SGCG: variants seen among roughly 807,000 people sequenced by gnomAD.
SGCG encodes the protein gamma-sarcoglycan.
SGCG carries 26 observed loss-of-function variants against 29.3 expected under a neutral mutation model. The ratio of observed to expected loss-of-function variants is 0.89; its 90% CI spans 0.65 to 1.23. The LOEUF is 1.23. Ranked by LOEUF, SGCG falls within the 50% of genes most tolerant of loss-of-function variation. The probability of loss-of-function intolerance (pLI) is 0.00; values close to 1 mark genes in which losing one functional copy is unlikely to be tolerated. For missense variants in SGCG, 353 were observed against 356.0 expected (o/e 0.99, Z 0.07); for synonymous variants, 145 against 129.7 (o/e 1.12, Z -0.80).
chr13:23,210,618 G>A (rs1878159777), intron 2 of SGCG, among the ~76,000 whole-genome samples: 1 of 152,130 alleles, frequency 6.6e-6, no homozygotes, highest in Non-Finnish European at 1.5e-5. Flanking sequence ...GTGAACCCGG[G>A]AGGCGGAGCT....
intron 1 of SGCG, among the ~76,000 whole-genome samples, chr13:23,183,865 A>G (rs1876851777): frequency 6.6e-6 from 1 of 151,752 alleles, no homozygotes; most frequent in Non-Finnish European, 1.5e-5. Context: ...ACGGAGTTTC[A>G]CCATGTTAGT....
chr13:23,245,476 T>C (rs1211051956), intron 3 of SGCG: 1 of 152,090 alleles, frequency 6.6e-6, no homozygotes, highest in African/African-American at 2.4e-5. Context: ...CAATCAAGCC[T>C]AGGAGAGTGT....
intron 5 of SGCG, among the ~76,000 whole-genome samples, chr13:23,292,050 C>A (rs181834931): frequency 2.0e-4 from 31 of 152,252 alleles, no homozygotes; most frequent in African/African-American, 7.2e-4. Context: ...CCAATCAGAG[C>A]TTGCCAGCTC....
intron 6 of SGCG, among the ~76,000 whole-genome samples, chr13:23,306,877 A>G (rs1055564205): frequency 9.2e-5 from 14 of 152,252 alleles, no homozygotes; most frequent in Non-Finnish European, 1.9e-4. Flanking sequence ...GTCAGTGCTC[A>G]TACAAGAATT....
intron 6 of SGCG, among the ~76,000 whole-genome samples, chr13:23,301,601 A>T (rs760171991): frequency 1.3e-5 from 2 of 152,170 alleles, no homozygotes; most frequent in Non-Finnish European, 2.9e-5. Flanking sequence ...ATAAGAATCA[A>T]TGGGGTCCGG....
chr13:23,277,394 A>G (rs960235673), intron 4 of SGCG, among the ~76,000 whole-genome samples: 1 of 146,696 alleles, frequency 6.8e-6, no homozygotes, highest in African/African-American at 2.5e-5. Flanking sequence ...ACAAATACCA[A>G]AAAATAAAGT....
At chr13:23,297,996 T>A (rs1014903980) in intron 6 of SGCG, among the ~76,000 whole-genome samples, 1 of 151,754 alleles carries the variant, frequency 6.6e-6, no homozygotes, top group Non-Finnish European at 1.5e-5. Flanking sequence ...CTGCTCACCT[T>A]GGCCTCCCAA....
chr13:23,166,779 G>A, the SGCG span, among the ~76,000 whole-genome samples: 1 of 152,096 alleles, frequency 6.6e-6, no homozygotes, highest in Non-Finnish European at 1.5e-5. Flanking sequence ...TATTTGTAAG[G>A]TTTGTAGGTA....
chr13:23,234,003 A>C (rs1005838061), intron 2 of SGCG, among the ~76,000 whole-genome samples: 2 of 152,252 alleles, frequency 1.3e-5, no homozygotes, highest in Admixed American at 6.5e-5. Context: ...CACAAGTTTT[A>C]ACAGCACAGC....
At chr13:23,174,221 G>C in the SGCG span, among the ~76,000 whole-genome samples, 16 of 152,192 alleles carry the variant, frequency 1.1e-4, no homozygotes, top group African/African-American at 3.6e-4. Context: ...ACCTACTCAA[G>C]GCCACAGCTG....
chr13:23,179,681 T>A (rs573789936), upstream of SGCG, among the ~76,000 whole-genome samples: 4 of 152,330 alleles, frequency 2.6e-5, no homozygotes, highest in East Asian at 7.7e-4. Context: ...TTTTAAAATG[T>A]CTTACAAATG....
Position 23,300,831 on chromosome 13 carries a change from A to G in SGCG, c.578+5344A>G, listed in dbSNP as rs1200940794. 2.4e-4 allele frequency among the ~76,000 whole-genome samples: 30 copies of G among 125,204 alleles called. No homozygotes were observed. The East Asian group carries it at 4.8e-3, about 20-fold the overall frequency. The allele number at this position is 125,204 out of a possible 152,430, so 82.1% of individuals were successfully genotyped here. On this transcript the variant is annotated intron_variant, in intron 6 of 7. Transcript: ENST00000218867. ...TACTAAAAAAAAAAAAAAAAAAAAA[A>G]AGGGCCGGGCGCGGTGGCTCACGCC...
At chr13:23,256,413 T>G (rs1880179836) in intron 4 of SGCG, among the ~76,000 whole-genome samples, 1 of 152,154 alleles carries the variant, frequency 6.6e-6, no homozygotes, top group Non-Finnish European at 1.5e-5. Context: ...ATTTCTAGGG[T>G]ACATGTGCAA....
the SGCG span, among the ~76,000 whole-genome samples, chr13:23,162,390 G>C: frequency 6.6e-6 from 1 of 152,120 alleles, no homozygotes; most frequent in African/African-American, 2.4e-5. Flanking sequence ...CGAGGTGGGC[G>C]GATCACGAGG....
At chr13:23,238,343 AC>A (rs1282253266) in intron 3 of SGCG, among the ~76,000 whole-genome samples, 2 of 151,940 alleles carry the variant, frequency 1.3e-5, no homozygotes, top group Admixed American at 6.6e-5. Flanking sequence ...ACCTCATCCC[AC>A]CCCCACCAAG....
intron 5 of SGCG, 42 bp downstream of exon 5, chr13:23,279,520 C>T: frequency 1.3e-6 from 2 of 1,595,856 alleles, no homozygotes; most frequent in Non-Finnish European, 1.7e-6. Flanking sequence ...CCATGGAGTA[C>T]ACATCTGCAA....
At chr13:23,209,188 TTGA>T (rs1473615649) in intron 2 of SGCG, among the ~76,000 whole-genome samples, 1 of 152,130 alleles carries the variant, frequency 6.6e-6, no homozygotes, top group Non-Finnish European at 1.5e-5. Context: ...AAATACTTCG[TTGA>T]TAAGTATTGT....
the SGCG span, among the ~76,000 whole-genome samples, chr13:23,168,741 T>A: frequency 6.6e-6 from 1 of 152,196 alleles, no homozygotes; most frequent in African/African-American, 2.4e-5. Flanking sequence ...CTCACATACA[T>A]GACAGAGATA....
chr13:23,284,282 T>G (rs1297020142), intron 5 of SGCG, among the ~76,000 whole-genome samples: 1 of 152,218 alleles, frequency 6.6e-6, no homozygotes, highest in East Asian at 1.9e-4. Context: ...AGTCCCATAT[T>G]TCTTGATGGC....
Sources: allele counts gnomAD v4.1 joint callset (sites outside exome capture counted in the v4.1 genomes callset), GRCh38; gene constraint gnomAD v4.1.1; transcripts MANE v1.5; gene names NCBI Gene and HGNC (gene_info 2026-07-23, HGNC 2026-07-21).